MYB: variants seen among roughly 807,000 people sequenced by gnomAD.
MYB encodes MYB proto-oncogene, transcription factor, also known as transcriptional activator Myb.
MYB carries 28 observed loss-of-function variants against 92.9 expected under a neutral mutation model. The ratio of observed to expected loss-of-function variants is 0.30; its 90% CI spans 0.22 to 0.41. The LOEUF is 0.41. Among genes scored for constraint, MYB ranks in the 10% least tolerant of loss-of-function variants. The pLI is 1.00. For missense variants in MYB, 679 were observed against 929.3 expected, an observed-to-expected ratio of 0.73 and a Z score of 3.50; for synonymous variants, 295 against 329.1, an observed-to-expected ratio of 0.90 and a Z score of 1.12.
At chr6:135,195,550 T>C in intron 8 of MYB, 198 bp from the exon 9 acceptor site, 1 of 605,954 alleles carries the variant, frequency 1.7e-6, no homozygotes, top group Non-Finnish European at 2.9e-6. Flanking sequence ...GTACAACCTC[T>C]AGCACTATTA....
chr6:135,202,572 T>C (rs914710396), intron 14 of MYB: 3 of 159,232 alleles, frequency 1.9e-5, no homozygotes, highest in Non-Finnish European at 4.1e-5. Flanking sequence ...TTCTCCATGT[T>C]GGTCAGGCTG....
At chr6:135,210,887 A>G (rs1416700295) in intron 15 of MYB, among the ~76,000 whole-genome samples, 1 of 152,106 alleles carries the variant, frequency 6.6e-6, no homozygotes, top group Non-Finnish European at 1.5e-5. Flanking sequence ...AGGAGCCCTC[A>G]CCAAAGGCCA....
chr6:135,194,773 T>A (rs1777070520), intron 8 of MYB: 12 of 628,274 alleles, frequency 1.9e-5, no homozygotes, highest in Non-Finnish European at 2.8e-5. Context: ...ATCTGCATTT[T>A]CTACAGAGCT....
intron 8 of MYB, 52 bp from the exon 9 acceptor site, chr6:135,195,696 T>G: frequency 6.3e-7 from 1 of 1,590,502 alleles, no homozygotes; most frequent in Non-Finnish European, 8.6e-7. Flanking sequence ...CTAAGTTCCT[T>G]CTCCCTTTCT....
At chr6:135,216,232 G>A (rs930355026) in intron 15 of MYB, among the ~76,000 whole-genome samples, 2 of 152,096 alleles carry the variant, frequency 1.3e-5, no homozygotes, top group Admixed American at 6.6e-5. Flanking sequence ...TTCAGAACCC[G>A]CAAGGACACC....
intron 8 of MYB, chr6:135,194,704 T>G: frequency 3.5e-6 from 2 of 566,718 alleles, no homozygotes; most frequent in Non-Finnish European, 6.0e-6. Flanking sequence ...TATCATCAAT[T>G]TTTTTCTTCA....
chr6:135,209,776 A>G (rs1159787195), intron 15 of MYB, among the ~76,000 whole-genome samples: 1 of 152,218 alleles, frequency 6.6e-6, no homozygotes, highest in East Asian at 1.9e-4. Context: ...GGATATTCTT[A>G]TAATAAAAAT....
At chr6:135,209,865 A>G (rs993656676) in intron 15 of MYB, among the ~76,000 whole-genome samples, 3 of 152,216 alleles carry the variant, frequency 2.0e-5, no homozygotes, top group Non-Finnish European at 4.4e-5. Flanking sequence ...CATTGTCAGT[A>G]TTCAGCCTTT....
intron 15 of MYB, among the ~76,000 whole-genome samples, chr6:135,215,058 C>T (rs1379317602): frequency 6.6e-6 from 1 of 152,178 alleles, no homozygotes; most frequent in African/African-American, 2.4e-5. Context: ...AGCCTCTGAG[C>T]TTGCAGAGTG....
chr6:135,192,955 GAAGGTAGTATTA>G (rs1420435314), intron 6 of MYB, among the ~76,000 whole-genome samples: 2 of 152,228 alleles, frequency 1.3e-5, no homozygotes, highest in African/African-American at 4.8e-5. Flanking sequence ...AACGAAAAGG[GAAGGTAGTATTA>G]TGTTTAAAGA....
At position 135,195,932 on chromosome 6, in the gene MYB, A is replaced by G. The variant is rs747304465; in HGVS notation, c.1133A>G (p.His378Arg). 1 of 1,614,210 alleles carries G rather than the reference A, an allele frequency of 6.2e-7. No homozygotes were observed. Among genetic ancestry groups the G allele is most frequent in the Non-Finnish European group, 8.5e-7 (1 of 1,180,024 alleles). The change falls in exon 9 of 16, where the codon CAC (histidine) becomes CGC (arginine). Residue 378 changes from histidine (H) to arginine (R), a missense_variant. Coordinates refer to ENST00000341911, the MANE Select transcript of MYB (RefSeq NM_001130173.2). ...TCGCCAGCAAGGTGCATGATCGTCC[A>G]CCAGGGCACCATTCTGGATAATGTT... is the stretch of plus-strand genomic sequence containing the variant. ...SASPARCMIV[H>R]QGTILDNVKN...
In MYB at chr6:135,182,451, G is replaced by GGCTCAAGGGGACAGAGGCCGGCAGC. The variant is rs1775202529; in HGVS notation, c.23+916_23+940dup. On this transcript the variant is annotated intron_variant, in intron 1 of 15. Coordinates refer to ENST00000341911, the MANE Select transcript of MYB (RefSeq NM_001130173.2). The surrounding 1 kb of genome is among the most constrained non-coding windows in gnomAD (Gnocchi z 5.6). ...TCGGCAGCCGTCGCAGTCGCCACTC[G>GGCTCAAGGGGACAGAGGCCGGCAGC]GCTCAAGGGGACAGAGGCCGGCAGC... 6.6e-6 allele frequency among the ~76,000 whole-genome samples: 1 copy of GGCTCAAGGGGACAGAGGCCGGCAGC among 152,238 alleles called. No homozygotes were observed. The highest frequency in any genetic ancestry group is 1.9e-4 in the East Asian group (1 of 5,140).
chr6:135,209,654 A>G (rs977903255), intron 15 of MYB, among the ~76,000 whole-genome samples: 1 of 152,124 alleles, frequency 6.6e-6, no homozygotes, highest in Non-Finnish European at 1.5e-5. Flanking sequence ...TTGTTTTTTT[A>G]ATTACTTAGT....
intron 11 of MYB, among the ~76,000 whole-genome samples, chr6:135,199,757 C>G (rs1042040767): frequency 2.0e-5 from 3 of 152,134 alleles, no homozygotes; most frequent in African/African-American, 7.2e-5. Context: ...ATAGGGAAAC[C>G]TGATTTGTAA....
At chr6:135,194,267 G>A (rs1487651512) in intron 7 of MYB, 89 bp from the exon 8 acceptor site, 27 of 968,464 alleles carry the variant, frequency 2.8e-5, no homozygotes, top group Admixed American at 1.4e-4. Context: ...TGGGCTGTGC[G>A]GCACCTCATG....
At chr6:135,213,212 G>A (rs1779985972) in intron 15 of MYB, among the ~76,000 whole-genome samples, 2 of 152,164 alleles carry the variant, frequency 1.3e-5, no homozygotes, top group Admixed American at 1.3e-4. Context: ...AGTCATCTTG[G>A]CTGCCCTAGC....
chr6:135,217,817 T>G, intron 15 of MYB, 47 bp from the exon 16 acceptor site: 1 of 1,341,130 alleles, frequency 7.5e-7, no homozygotes, highest in Non-Finnish European at 1.1e-6. Flanking sequence ...GTCTATAGAA[T>G]GAGCTTCTTT....
intron 15 of MYB, among the ~76,000 whole-genome samples, chr6:135,215,763 C>A (rs1271619943): frequency 1.3e-5 from 2 of 152,046 alleles, no homozygotes; most frequent in Admixed American, 1.3e-4. Context: ...CTCTCTCTCC[C>A]CTAATCTTAG....
intron 11 of MYB, chr6:135,199,511 T>G (rs908649256): frequency 2.0e-6 from 2 of 994,322 alleles, no homozygotes; most frequent in African/African-American, 3.5e-5. Flanking sequence ...TTTTTCTTTT[T>G]GAATTTATGT....
Sources: allele counts gnomAD v4.1 joint callset (sites outside exome capture counted in the v4.1 genomes callset), GRCh38; gene constraint gnomAD v4.1.1; non-coding constraint Gnocchi (gnomAD v3.1); transcripts MANE v1.5; gene names NCBI Gene and HGNC (gene_info 2026-07-23, HGNC 2026-07-21).